Variants in TET1 observed in about 807,000 individuals in gnomAD.
The protein encoded by TET1 is methylcytosine dioxygenase TET1.
Under a neutral mutation model 148.7 loss-of-function variants are expected in TET1, and 13 were observed. That is an observed-to-expected ratio of 0.09 (90% CI 0.06 to 0.14). The LOEUF is 0.14. TET1 is among the 10% of genes least tolerant of loss of function. TET1 has a pLI of 1.00. For synonymous variants in TET1, 907 were observed against 937.2 expected (o/e 0.97, Z 0.59); for missense variants, 2,182 against 2,553.8 (o/e 0.85, Z 3.14).
At position 68,600,995 on chromosome 10, in the gene TET1, C is replaced by T. The variant is rs1213907743; in HGVS notation, c.1929C>T (p.Asn643=). The T allele has an allele frequency of 1.2e-6, 2 of 1,604,424 alleles. No homozygotes were observed. The highest frequency in any genetic ancestry group is 1.7e-6 in the Non-Finnish European group (2 of 1,177,930). The change falls in exon 3 of 12, where the codon AAC becomes AAT. Residue 643 remains asparagine, a synonymous_variant. Transcript: ENST00000373644. ...VVVPLEVIKE[N]KRPQREKKPK... The stretch of plus-strand genomic sequence containing the variant: ...ATTTTTTTTAGGTTATAAAGGAAAA[C>T]AAGAGGCCCCAGAGGGAAAAGAAGC...
At chr10:68,599,360 G>T (rs1321865330) in intron 2 of TET1, among the ~76,000 whole-genome samples, 1 of 152,006 alleles carries the variant, frequency 6.6e-6, no homozygotes, top group East Asian at 1.9e-4. Context: ...TGGCTGTGAT[G>T]GGACTGTGAC....
At chr10:68,607,908 A>T (rs186250914) in intron 3 of TET1, among the ~76,000 whole-genome samples, 6 of 151,034 alleles carry the variant, frequency 4.0e-5, no homozygotes, top group African/African-American at 1.5e-4. Context: ...CCTATGCAAG[A>T]GAACGTGGGT....
chr10:68,652,071 C>A (rs533595082), intron 5 of TET1, 135 bp downstream of exon 5: 36 of 800,990 alleles, frequency 4.5e-5, no homozygotes, highest in South Asian at 2.4e-4. Context: ...TAGGGCCCAA[C>A]AAAAGAGGGG....
chr10:68,682,826 T>C lies in TET1; in HGVS notation c.4915-10T>C. ...TCTCTTAAGATTGTGCTCCATGCTTTCTTTTCTAGGTGGAATATGAAAATG... is the reference window on the plus strand; with the variant it reads ...TCTCTTAAGATTGTGCTCCATGCTTCCTTTTCTAGGTGGAATATGAAAATG... On this transcript the variant is annotated splice_polypyrimidine_tract_variant and intron_variant, in intron 9 of 11. Transcript: ENST00000373644. 1 of 1,611,880 alleles carries C rather than the reference T, an allele frequency of 6.2e-7. No homozygotes were observed. Among genetic ancestry groups the C allele is most frequent in the Non-Finnish European group, 8.5e-7 (1 of 1,179,454 alleles).
intron 3 of TET1, among the ~76,000 whole-genome samples, chr10:68,615,096 G>A (rs921048347): frequency 2.0e-5 from 3 of 151,464 alleles, no homozygotes; most frequent in African/African-American, 4.9e-5. Flanking sequence ...CACCACACCC[G>A]GCTAATTTTT....
At chr10:68,591,906 A>AAAAC (rs371466447) in intron 2 of TET1, among the ~76,000 whole-genome samples, 2,216 of 151,618 alleles carry the variant, frequency 0.015, 30 homozygotes, top group African/African-American at 0.034. Context: ...CTCCCTCTCA[A>AAAAC]AAACAAACAA....
intron 3 of TET1, among the ~76,000 whole-genome samples, chr10:68,619,518 G>A (rs900204362): frequency 2.6e-5 from 4 of 152,000 alleles, no homozygotes; most frequent in Admixed American, 2.0e-4. Flanking sequence ...ACCCAACCAC[G>A]CCCATTCATT....
In TET1 at chr10:68,672,904, T is replaced by C. The variant is rs761143694; in HGVS notation, c.4683T>C (p.Cys1561=). 4 of 1,610,310 alleles carry C rather than the reference T, an allele frequency of 2.5e-6. No individual in the cohort carries two copies. Among genetic ancestry groups the C allele is most frequent in the Non-Finnish European group, 3.4e-6 (4 of 1,177,318 alleles). Residue 1561 remains cysteine (C), a synonymous_variant, in exon 8 of 12, where the codon TGT becomes TGC. Coordinates refer to ENST00000373644, the MANE Select transcript of TET1 (RefSeq NM_030625.3). ...AATTACAATCTTACAGTCGTACCTG[T>C]ACATGTCAAGGAATTGATCCAGAGA... is the stretch of plus-strand genomic sequence containing the variant. The part of the protein sequence containing the change: ...RRCTLNENRT[C]TCQGIDPETC...
rs1564948676 is a variant in TET1 at position 68,573,330 on chromosome 10, T to G, written c.992T>G (p.Leu331Trp). ...TSPTSVIKFL[L>W]AGSKQATLGA... ...CCTACCTCTGTAATAAAATTCCTCT[T>G]GGCAGGCTCAAAACAAGCGACCCTT... Residue 331 changes from leucine to tryptophan, a missense_variant, in exon 2 of 12, where the codon TTG becomes TGG. Physicochemically the swap from Leu to Trp is moderately conservative, Grantham distance 61. This residue lies in a region of TET1 where 665 missense variants were observed against 672.4 expected (regional missense o/e 0.99). Coordinates refer to ENST00000373644, the MANE Select transcript of TET1 (RefSeq NM_030625.3). 6.2e-7 allele frequency: 1 copy of G among 1,614,056 alleles called. No homozygotes were observed.
At chr10:68,627,339 G>A (rs7089143) in intron 3 of TET1, among the ~76,000 whole-genome samples, 76,495 of 151,824 alleles carry the variant, frequency 0.5, 19,941 homozygotes, top group Non-Finnish European at 0.58. Context: ...GAATCCGGGA[G>A]GCAGAGGTTG....
chr10:68,621,366 C>G (rs1301069720), intron 3 of TET1, among the ~76,000 whole-genome samples: 1 of 152,104 alleles, frequency 6.6e-6, no homozygotes, highest in Non-Finnish European at 1.5e-5. Context: ...CCTCAGCCTC[C>G]TGAGCTCAGG....
Position 68,645,880 on chromosome 10 carries a change from T to C in TET1, c.3151T>C (p.Leu1051=). ...TAATGAAGTGGAGTATTGCAACCAG[T>C]TACTGGACAGCAGCAAAAAATTGGA... ...RNNEVEYCNQ[L]LDSSKKLDSD... is the part of the protein sequence containing the mutation. Residue 1051 remains leucine (L), a synonymous_variant, in exon 4 of 12, where the codon TTA becomes CTA. Transcript: ENST00000373644. The C allele has an allele frequency of 6.2e-7, 1 of 1,613,502 alleles. No homozygotes were observed. Among genetic ancestry groups the C allele is most frequent in the Non-Finnish European group, 8.5e-7 (1 of 1,179,814 alleles).
At chr10:68,688,652 ATGG>A (rs2055550214) in intron 11 of TET1, among the ~76,000 whole-genome samples, 1 of 151,530 alleles carries the variant, frequency 6.6e-6, no homozygotes, top group South Asian at 2.1e-4. Context: ...GTTAGCCAGG[ATGG>A]TCTCGATCTC....
chr10:68,597,963 G>C (rs1287073841), intron 2 of TET1, among the ~76,000 whole-genome samples: 1 of 152,176 alleles, frequency 6.6e-6, no homozygotes. Context: ...CTGGGGGAAG[G>C]CAAATGAGGA....
rs34049619 is a variant in TET1 at position 68,630,138 on chromosome 10, G to C, written c.1969-14560G>C. ...CAGAAGGAGTATGAGTAGAGGACAC[G>C]GGCTGGATGGAAGAGGTGCTAAGTA... On this transcript the variant is annotated intron_variant, in intron 3 of 11. Transcript: ENST00000373644. Among the ~76,000 whole-genome samples the C allele has an allele frequency of 3.3e-5, 5 of 152,006 alleles. 1 individual carries two copies. The highest frequency in any genetic ancestry group is 2.6e-4 in the Admixed American group (4 of 15,260).
At position 68,626,110 on chromosome 10, in the gene TET1, G is replaced by GAAA. The variant is rs11374052; in HGVS notation, c.1969-18586_1969-18584dup. ...ATCTCAAAAAAAAGAAAAAAAAAAA[G>GAAA]AAAAGAAAAAGAAAAGAAAATACTT... On this transcript the variant is annotated intron_variant, in intron 3 of 11. Transcript: ENST00000373644. Among the ~76,000 whole-genome samples the GAAA allele has an allele frequency of 4.6e-4, 47 of 102,342 alleles. 1 individual carries two copies. Among genetic ancestry groups the GAAA allele is most frequent in the East Asian group, 3.1e-3 (11 of 3,604 alleles). The allele number at this position is 102,342 out of a possible 152,430, so 67.1% of individuals were successfully genotyped here.
chr10:68,637,700 C>T (rs1257364880), intron 3 of TET1, among the ~76,000 whole-genome samples: 1 of 151,294 alleles, frequency 6.6e-6, no homozygotes, highest in African/African-American at 2.4e-5. Context: ...TGGCAAACCC[C>T]GTCTCTAGTA....
At chr10:68,655,103 T>C (rs981928497) in intron 6 of TET1, among the ~76,000 whole-genome samples, 1 of 152,158 alleles carries the variant, frequency 6.6e-6, no homozygotes, top group Non-Finnish European at 1.5e-5. Flanking sequence ...CTATGGTGGC[T>C]CCTGTGAATC....
intron 2 of TET1, among the ~76,000 whole-genome samples, chr10:68,582,415 C>T (rs1272547567): frequency 6.6e-6 from 1 of 152,084 alleles, no homozygotes; most frequent in Non-Finnish European, 1.5e-5. Flanking sequence ...ACTATTAAGT[C>T]AGCTAATGTG....
Sources: allele counts gnomAD v4.1 joint callset (sites outside exome capture counted in the v4.1 genomes callset), GRCh38; gene constraint gnomAD v4.1.1; regional missense constraint gnomAD v4.1.1; transcripts MANE v1.5; gene names NCBI Gene and HGNC (gene_info 2026-07-23, HGNC 2026-07-21).